DDHD1: variants seen among roughly 807,000 people sequenced by gnomAD.
DDHD1 encodes the protein DDHD domain containing 1, also known as phospholipase DDHD1.
A neutral mutation model predicts 96.4 loss-of-function variants in DDHD1; 49 were observed. The ratio of observed to expected loss-of-function variants is 0.51; its 90% CI spans 0.40 to 0.64. The LOEUF (loss-of-function observed/expected upper bound fraction) is 0.64, where lower values mean the gene tolerates loss of function less well. Ranked by LOEUF, DDHD1 falls within the 30% of genes least tolerant of loss-of-function variation. DDHD1 has a pLI of 0.00. For missense variants in DDHD1, 1,106 were observed against 1,161.2 expected, an observed-to-expected ratio of 0.95 and a Z score of 0.69; for synonymous variants, 442 against 446.5, an observed-to-expected ratio of 0.99 and a Z score of 0.13.
chr14:53,137,033 T>C (rs1890290776), intron 1 of DDHD1, among the ~76,000 whole-genome samples: 1 of 151,966 alleles, frequency 6.6e-6, no homozygotes, highest in Non-Finnish European at 1.5e-5. Context: ...ACTCCCTAGA[T>C]TCAAGAAGGT....
At position 53,153,030 on chromosome 14, in the gene DDHD1, G is replaced by A; in HGVS notation, c.69C>T (p.Ala23=). 1 of 1,502,054 alleles carries A rather than the reference G, an allele frequency of 6.7e-7. No individual in the cohort carries two copies. Among genetic ancestry groups the A allele is most frequent in the Non-Finnish European group, 8.8e-7 (1 of 1,130,954 alleles). 93.0% of individuals were successfully genotyped at this position (1,502,054 alleles called of 1,614,324 possible). ...EHNGRGGGGG[A]WELGSDARPA... is the part of the protein sequence containing the mutation. ...GCCTCGCGTCTGAGCCCAGCTCCCA[G>A]GCGCCGCCGCCGCCGCCTCGGCCGT... is the stretch of plus-strand genomic sequence containing the variant. The change falls in exon 1 of 13, where the codon GCC becomes GCT. Residue 23 remains alanine (A), a synonymous_variant. Transcript: ENST00000673822.
At chr14:53,116,440 A>T (rs1363445067) in intron 1 of DDHD1, among the ~76,000 whole-genome samples, 1 of 152,164 alleles carries the variant, frequency 6.6e-6, no homozygotes, top group African/African-American at 2.4e-5. Context: ...AGTGCCACAT[A>T]GCACTTATTC....
intron 1 of DDHD1, among the ~76,000 whole-genome samples, chr14:53,138,969 G>C (rs771255585): frequency 6.6e-6 from 1 of 151,554 alleles, no homozygotes; most frequent in Non-Finnish European, 1.5e-5. Flanking sequence ...ACAAGGTCTT[G>C]TCTAGATCCT....
intron 1 of DDHD1, among the ~76,000 whole-genome samples, chr14:53,128,177 G>C (rs1363447094): frequency 6.6e-6 from 1 of 152,198 alleles, no homozygotes; most frequent in Non-Finnish European, 1.5e-5. Flanking sequence ...ACGTGGAACT[G>C]TGAGTCAATT....
At chr14:53,107,058 A>C (rs1233048722) in intron 1 of DDHD1, among the ~76,000 whole-genome samples, 1 of 152,150 alleles carries the variant, frequency 6.6e-6, no homozygotes. Flanking sequence ...GGCACCTTGT[A>C]ATTAATATAC....
At chr14:53,101,052 C>A (rs1401944883) in intron 2 of DDHD1, among the ~76,000 whole-genome samples, 3 of 152,174 alleles carry the variant, frequency 2.0e-5, no homozygotes, top group Non-Finnish European at 4.4e-5. Context: ...TACATGGCAT[C>A]ATTCAAAATC....
chr14:53,115,073 A>G (rs1207185676), intron 1 of DDHD1, among the ~76,000 whole-genome samples: 1 of 152,196 alleles, frequency 6.6e-6, no homozygotes, highest in Admixed American at 6.5e-5. Context: ...GAACTTCATG[A>G]AGCATACACA....
intron 1 of DDHD1, among the ~76,000 whole-genome samples, chr14:53,106,621 C>T (rs1809104812): frequency 6.6e-6 from 1 of 152,120 alleles, no homozygotes; most frequent in Non-Finnish European, 1.5e-5. Flanking sequence ...CATGCCCCTG[C>T]ACTCCAGCCT....
intron 1 of DDHD1, among the ~76,000 whole-genome samples, chr14:53,137,231 TATTC>T (rs1329025940): frequency 1.3e-5 from 2 of 152,168 alleles, no homozygotes; most frequent in African/African-American, 4.8e-5. Context: ...CAACAGGACA[TATTC>T]ATTCAAGAAA....
chr14:53,042,767 C>T lies in DDHD1; in HGVS notation c.*4001G>A, dbSNP rs1005610637. On this transcript the variant is annotated 3_prime_UTR_variant, in exon 13 of 13. Transcript: ENST00000673822. ...GGGATAGAAAACTTTAGAATAGCTA[C>T]AGAGGTCAACTAACCCAAACATAGT... The T allele has an allele frequency of 6.6e-6, 1 of 152,206 alleles. No individual in the cohort carries two copies. The highest frequency in any genetic ancestry group is 2.4e-5 in the African/African-American group (1 of 41,462). 9.4% of individuals were successfully genotyped at this position (152,206 alleles called of 1,614,324 possible). A position where few individuals can be genotyped will look rare whatever the true frequency, so the allele number is the denominator to read the frequency against.
At position 53,045,631 on chromosome 14, in the gene DDHD1, C is replaced by T. The variant is rs554186925; in HGVS notation, c.*1137G>A. ...CATGAGAACAAGATTTATTTACTTA[C>T]CTCAAGAAGCTAGTACATGGGTTAT... On this transcript the variant is annotated 3_prime_UTR_variant, in exon 13 of 13. Transcript: ENST00000673822. The T allele has an allele frequency of 3.3e-5, 5 of 152,252 alleles. No individual in the cohort carries two copies. The East Asian group carries it at 9.6e-4, about 29-fold the overall frequency. The allele number at this position is 152,252 out of a possible 1,614,324, so 9.4% of individuals were successfully genotyped here. A position where few individuals can be genotyped will look rare whatever the true frequency, so the allele number is the denominator to read the frequency against.
rs1400682026 is a variant in DDHD1 at position 53,120,047 on chromosome 14, A to AC, written c.839-16192dup. Among the ~76,000 whole-genome samples the AC allele has an allele frequency of 2.0e-5, 3 of 152,282 alleles. No individual in the cohort carries two copies. The East Asian group carries it at 5.8e-4, about 29-fold the overall frequency. On this transcript the variant is annotated intron_variant, in intron 1 of 12. Coordinates refer to ENST00000673822, the MANE Select transcript of DDHD1 (RefSeq NM_001160148.2). ...AATGACATGATTGTATATTTAGAAAACCCCATGGTCTCAGACTAAAAACTC... is the reference window on the plus strand; with the variant it reads ...AATGACATGATTGTATATTTAGAAAACCCCCATGGTCTCAGACTAAAAACTC...
At chr14:53,127,663 G>A (rs574457993) in intron 1 of DDHD1, among the ~76,000 whole-genome samples, 152 of 152,292 alleles carry the variant, frequency 1.0e-3, no homozygotes, top group African/African-American at 3.5e-3. Flanking sequence ...TGCCATGACA[G>A]CTGGAGAAGG....
At chr14:53,149,646 T>C (rs896980224) in intron 1 of DDHD1, 1 of 152,230 alleles carries the variant, frequency 6.6e-6, no homozygotes, top group African/African-American at 2.4e-5. Context: ...CACAGGATTG[T>C]ATCTTGTAGA....
Position 53,046,713 on chromosome 14 carries a change from T to G in DDHD1, c.*55A>C, listed in dbSNP as rs767444263. 2.5e-4 allele frequency: 315 copies of G among 1,284,468 alleles called. No homozygotes were observed. Among genetic ancestry groups the G allele is most frequent in the Non-Finnish European group, 4.3e-5 (41 of 948,508 alleles). 79.6% of individuals were successfully genotyped at this position (1,284,468 alleles called of 1,614,324 possible). On this transcript the variant is annotated 3_prime_UTR_variant, in exon 13 of 13. Coordinates refer to ENST00000673822, the MANE Select transcript of DDHD1 (RefSeq NM_001160148.2). Reference sequence around the variant, plus strand: ...AAATCTCCGTATCTTGACACACACATTTTAACGGAAAAAAAAAAAATCAGT... The same window carrying G: ...AAATCTCCGTATCTTGACACACACAGTTTAACGGAAAAAAAAAAAATCAGT...
rs1328845748 is a variant in DDHD1 at position 53,054,592 on chromosome 14, C to T, written c.2283G>A (p.Leu761=). The change falls in exon 11 of 13, where the codon TTG becomes TTA. Residue 761 remains leucine, a synonymous_variant. Transcript: ENST00000673822. ...TAGATGAACGTCCAAATCTTGAGAA[C>T]AACATTCCTCCAAGTCCCTTTCCAA... ...ASIGKGLGGM[L]FSRFGRSSTT... The T allele has an allele frequency of 1.2e-6, 2 of 1,613,932 alleles. No individual in the cohort carries two copies. The highest frequency in any genetic ancestry group is 1.7e-6 in the Non-Finnish European group (2 of 1,179,972).
At chr14:53,065,212 C>T (rs767617284) in intron 6 of DDHD1, among the ~76,000 whole-genome samples, 4 of 152,086 alleles carry the variant, frequency 2.6e-5, no homozygotes, top group South Asian at 2.1e-4. Flanking sequence ...AGGAAAAACC[C>T]GGCAGTTTCA....
chr14:53,044,353 A>G lies in DDHD1; in HGVS notation c.*2415T>C, dbSNP rs1340281979. The stretch of plus-strand genomic sequence containing the variant: ...AAAAAAAGGAAGCAGACATATTCCT[A>G]TGGCTATAGGAACATACCTTTTACT... On this transcript the variant is annotated 3_prime_UTR_variant, in exon 13 of 13. Transcript: ENST00000673822. 6.6e-6 allele frequency: 1 copy of G among 152,208 alleles called. No individual in the cohort carries two copies. Among genetic ancestry groups the G allele is most frequent in the Admixed American group, 6.5e-5 (1 of 15,274 alleles). 9.4% of individuals were successfully genotyped at this position (152,208 alleles called of 1,614,324 possible). A position where few individuals can be genotyped will look rare whatever the true frequency, so the allele number is the denominator to read the frequency against.
At chr14:53,091,241 G>C (rs905920927) in intron 4 of DDHD1, among the ~76,000 whole-genome samples, 1 of 152,220 alleles carries the variant, frequency 6.6e-6, no homozygotes, top group East Asian at 1.9e-4. Context: ...ATACCCCTAA[G>C]ACATCTTAAA....
Sources: allele counts gnomAD v4.1 joint callset (sites outside exome capture counted in the v4.1 genomes callset), GRCh38; gene constraint gnomAD v4.1.1; transcripts MANE v1.5; gene names NCBI Gene and HGNC (gene_info 2026-07-23, HGNC 2026-07-21).